Variants in LRPAP1 observed in about 807,000 individuals in gnomAD.
The protein encoded by LRPAP1 is alpha-2-macroglobulin receptor-associated protein.
A neutral mutation model predicts 39.9 loss-of-function variants in LRPAP1; 41 were observed. That is an observed-to-expected ratio of 1.03 (90% CI 0.80 to 1.33). The LOEUF is 1.33. Among genes scored for constraint, LRPAP1 ranks in the 40% most tolerant of loss-of-function variants. The pLI, the probability that LRPAP1 is intolerant of heterozygous loss-of-function variation, is 0.00. For synonymous variants in LRPAP1, 263 were observed against 212.7 expected (o/e 1.24, Z -2.06); for missense variants, 565 against 482.3 (o/e 1.17, Z -1.61).
At chr4:3,515,925 GCCCCTGAAACACGAGTTC>G in intron 6 of LRPAP1, 173 bp downstream of exon 6, 2 of 615,542 alleles carry the variant, frequency 3.2e-6, no homozygotes, top group Non-Finnish European at 5.7e-6. Flanking sequence ...GCCTGGCCCC[GCCCCTGAAACACGAGTTC>G]CCACGCAGAT....
intron 1 of LRPAP1, among the ~76,000 whole-genome samples, chr4:3,526,627 C>T (rs954776967): frequency 1.3e-5 from 2 of 152,222 alleles, no homozygotes; most frequent in African/African-American, 2.4e-5. Flanking sequence ...CCCTCAGGTC[C>T]GCGCCGCGCA....
At position 3,508,641 on chromosome 4, in the gene LRPAP1, A is replaced by G. The variant is rs150921784; in HGVS notation, c.*4333T>C. The G allele has an allele frequency of 1.2e-3, 177 of 152,346 alleles. 1 individual carries two copies. The highest frequency in any genetic ancestry group is 4.1e-3 in the African/African-American group (171 of 41,566). The allele number at this position is 152,346 out of a possible 1,614,324, so 9.4% of individuals were successfully genotyped here. On this transcript the variant is annotated 3_prime_UTR_variant, in exon 8 of 8. Coordinates refer to ENST00000650182, the MANE Select transcript of LRPAP1 (RefSeq NM_002337.4). ...GGGACTTACCTGGAAATGCCAGGTCATCTTGGCATATGAAAGTCAGCGTAA... is the reference window on the plus strand; with the variant it reads ...GGGACTTACCTGGAAATGCCAGGTCGTCTTGGCATATGAAAGTCAGCGTAA...
Position 3,518,614 on chromosome 4 carries a change from T to C in LRPAP1, c.592+257A>G, listed in dbSNP as rs571182518. On this transcript the variant is annotated intron_variant, in intron 4 of 7. Transcript: ENST00000650182. Reference sequence around the variant, plus strand: ...CTGACAAAGGCAGCAGCTGTGCCCATAGTGGGGGCAGGCGCCGGTGAGACT... The same window carrying C: ...CTGACAAAGGCAGCAGCTGTGCCCACAGTGGGGGCAGGCGCCGGTGAGACT... Among the ~76,000 whole-genome samples, 17 of 152,092 alleles carry C rather than the reference T, an allele frequency of 1.1e-4. No homozygotes were observed. The East Asian group carries it at 2.7e-3, about 24-fold the overall frequency.
chr4:3,512,909 C>T lies in LRPAP1; in HGVS notation c.*65G>A. The T allele has an allele frequency of 6.8e-7, 1 of 1,475,262 alleles. No individual in the cohort carries two copies. The highest frequency in any genetic ancestry group is 1.8e-4 in the Middle Eastern group (1 of 5,602). 91.4% of individuals were successfully genotyped at this position (1,475,262 alleles called of 1,614,324 possible). On this transcript the variant is annotated 3_prime_UTR_variant, in exon 8 of 8. Coordinates refer to ENST00000650182, the MANE Select transcript of LRPAP1 (RefSeq NM_002337.4). ...GACGGCGGGCTGTCCACGGAAATGCCACGGCCAAGAGCCCAGGTCCTTCAC... is the reference window on the plus strand; with the variant it reads ...GACGGCGGGCTGTCCACGGAAATGCTACGGCCAAGAGCCCAGGTCCTTCAC...
intron 2 of LRPAP1, among the ~76,000 whole-genome samples, chr4:3,520,413 G>A (rs779030752): frequency 7.9e-5 from 12 of 152,198 alleles, no homozygotes; most frequent in African/African-American, 1.2e-4. Context: ...CGGGTCTGGC[G>A]ACTCACGGGA....
At chr4:3,523,143 A>T (rs191067477) in intron 2 of LRPAP1, among the ~76,000 whole-genome samples, 5 of 152,148 alleles carry the variant, frequency 3.3e-5, no homozygotes, top group African/African-American at 1.2e-4. Context: ...CCCTGCAAGG[A>T]CACTGCCTGG....
rs1408451516 is a variant in LRPAP1, at chr4:3,520,121, G to A, written c.422C>T (p.Thr141Ile). Residue 141 changes from threonine to isoleucine, a missense_variant, in exon 3 of 8, where the codon ACC becomes ATC. Thr to Ile is a moderately conservative substitution (Grantham distance 89). Coordinates refer to ENST00000650182, the MANE Select transcript of LRPAP1 (RefSeq NM_002337.4). Reference protein sequence around the residue: ...RQVTSNSLSGTQEDGLDDPRL... With the variant: ...RQVTSNSLSGIQEDGLDDPRL... Reference sequence around the variant, plus strand: ...GGGGTCATCCAGCCCGTCTTCCTGGGTGCCACTGAGGGAGTTGCTGGTCAC... The same window carrying A: ...GGGGTCATCCAGCCCGTCTTCCTGGATGCCACTGAGGGAGTTGCTGGTCAC... The A allele has an allele frequency of 1.2e-6, 2 of 1,614,038 alleles. No individual in the cohort carries two copies. Among genetic ancestry groups the A allele is most frequent in the African/African-American group, 2.7e-5 (2 of 74,916 alleles).
At position 3,514,857 on chromosome 4, in the gene LRPAP1, G is replaced by A. The variant is rs374981655; in HGVS notation, c.906C>T (p.His302=). ...NHYQKQLEIA[H]EKLRHAESVG... ...CGCTCTCTGCGTGCCTCAGCTTCTC[G>A]TGCGCAATCTCCAGCTGCTTCTGGT... Residue 302 remains histidine, a synonymous_variant, in exon 7 of 8, where the codon CAC becomes CAT. Coordinates refer to ENST00000650182, the MANE Select transcript of LRPAP1 (RefSeq NM_002337.4). 11 of 1,613,742 alleles carry A rather than the reference G, an allele frequency of 6.8e-6. No homozygotes were observed. The highest frequency in any genetic ancestry group is 1.6e-4 in the Middle Eastern group (1 of 6,082).
intron 7 of LRPAP1, 62 bp downstream of exon 7, chr4:3,514,690 G>A: frequency 1.3e-6 from 2 of 1,531,442 alleles, no homozygotes; most frequent in Non-Finnish European, 8.8e-7. Context: ...AGCTGCATGT[G>A]GGCGGCCTCA....
At chr4:3,527,562 G>GAGGGTCTGAGATGC (rs1730116633) in intron 1 of LRPAP1, among the ~76,000 whole-genome samples, 1 of 152,252 alleles carries the variant, frequency 6.6e-6, no homozygotes, top group African/African-American at 2.4e-5. Flanking sequence ...CACTGCCCGG[G>GAGGGTCTGAGATGC]AGGGTCTGAG....
chr4:3,525,204 A>G (rs1730044988), intron 1 of LRPAP1, 153 bp from the exon 2 acceptor site: 2 of 782,768 alleles, frequency 2.6e-6, no homozygotes, highest in African/African-American at 1.7e-5. Context: ...CAAACCCCAC[A>G]GGTTTAGACA....
rs774163008 is a variant in LRPAP1, at chr4:3,512,900, C to G, written c.*74G>C. The stretch of plus-strand genomic sequence containing the variant: ...AGCCACCCTGACGGCGGGCTGTCCA[C>G]GGAAATGCCACGGCCAAGAGCCCAG... On this transcript the variant is annotated 3_prime_UTR_variant, in exon 8 of 8. Coordinates refer to ENST00000650182, the MANE Select transcript of LRPAP1 (RefSeq NM_002337.4). The G allele has an allele frequency of 1.4e-6, 2 of 1,418,128 alleles. No homozygotes were observed. The highest frequency in any genetic ancestry group is 9.6e-7 in the Non-Finnish European group (1 of 1,036,952). 87.8% of individuals were successfully genotyped at this position (1,418,128 alleles called of 1,614,324 possible).
rs1379314938 is a variant in LRPAP1, at chr4:3,504,539, CAGG to C, written c.*8432_*8434del. On this transcript the variant is annotated 3_prime_UTR_variant, in exon 8 of 8. Coordinates refer to ENST00000650182, the MANE Select transcript of LRPAP1 (RefSeq NM_002337.4). ...CCGAGGTGGGCGGATTGCCTGAGGT[CAGG>C]AGTTCGAGACCAGCCTGGCCAACAT... is the stretch of plus-strand genomic sequence containing the variant. The C allele has an allele frequency of 6.6e-6, 1 of 152,112 alleles. No individual in the cohort carries two copies. Among genetic ancestry groups the C allele is most frequent in the Non-Finnish European group, 1.5e-5 (1 of 68,060 alleles). 9.4% of individuals were successfully genotyped at this position (152,112 alleles called of 1,614,324 possible).
In LRPAP1 at chr4:3,532,393, C is replaced by A. The variant is rs774805099; in HGVS notation, c.20G>T (p.Arg7Met). 8 of 1,584,348 alleles carry A rather than the reference C, an allele frequency of 5.0e-6. No individual in the cohort carries two copies. In the Admixed American group the frequency reaches 1.4e-4, roughly 28 times the overall value. The change falls in exon 1 of 8, where the codon AGG becomes ATG. Residue 7 changes from arginine (R) to methionine (M), a missense_variant. Physicochemically the swap from Arg to Met is moderately conservative, Grantham distance 91. Transcript: ENST00000650182. The stretch of plus-strand genomic sequence containing the variant: ...CGCCGGGAGCCCGCGCAGAAACGAC[C>A]TGACCCTCCGCGGCGCCATCTTCCT... The part of the protein sequence containing the change: MAPRRV[R>M]SFLRGLPALL...
chr4:3,510,213 C>G lies in LRPAP1; in HGVS notation c.*2761G>C, dbSNP rs1030135883. ...TTGGGAGGCTGAGACAGGAGCATCA[C>G]TTGAGCCCAGATCAAGACCTGCCTG... On this transcript the variant is annotated 3_prime_UTR_variant, in exon 8 of 8. Transcript: ENST00000650182. The G allele has an allele frequency of 6.6e-6, 1 of 152,148 alleles. No homozygotes were observed. Among genetic ancestry groups the G allele is most frequent in the African/African-American group, 2.4e-5 (1 of 41,416 alleles). 9.4% of individuals were successfully genotyped at this position (152,148 alleles called of 1,614,324 possible).
intron 5 of LRPAP1, among the ~76,000 whole-genome samples, chr4:3,517,473 G>C (rs1227536923): frequency 6.6e-6 from 1 of 152,248 alleles, no homozygotes; most frequent in Non-Finnish European, 1.5e-5. Flanking sequence ...GAAGCTGCGT[G>C]AGTGAGGCCA....
chr4:3,525,230 C>T (rs1406628464), intron 1 of LRPAP1, 179 bp from the exon 2 acceptor site: 1 of 654,860 alleles, frequency 1.5e-6, no homozygotes, highest in Non-Finnish European at 2.7e-6. Context: ...TCAACATGGA[C>T]ACCAGTCTCT....
rs952457907 is a variant in LRPAP1, at chr4:3,508,880, C to G, written c.*4094G>C. 3 of 151,992 alleles carry G rather than the reference C, an allele frequency of 2.0e-5. No individual in the cohort carries two copies. The highest frequency in any genetic ancestry group is 7.3e-5 in the African/African-American group (3 of 41,342). 9.4% of individuals were successfully genotyped at this position (151,992 alleles called of 1,614,324 possible). On this transcript the variant is annotated 3_prime_UTR_variant, in exon 8 of 8. Transcript: ENST00000650182. The stretch of plus-strand genomic sequence containing the variant: ...TGGGAATAAGATTAGCGAGCGCCGG[C>G]TCACCTCACCAGTGCAGTGAGAAGC...
chr4:3,525,083 C>T (rs775155129), intron 1 of LRPAP1, 32 bp from the exon 2 acceptor site: 37 of 1,612,416 alleles, frequency 2.3e-5, no homozygotes, highest in African/African-American at 4.0e-5. Flanking sequence ...CTGTGAGCCA[C>T]GAGCAGGACG....
Sources: allele counts gnomAD v4.1 joint callset (sites outside exome capture counted in the v4.1 genomes callset), GRCh38; gene constraint gnomAD v4.1.1; transcripts MANE v1.5; gene names NCBI Gene and HGNC (gene_info 2026-07-23, HGNC 2026-07-21).